Variants in KLRG2 observed in about 807,000 individuals in gnomAD.
The protein encoded by KLRG2 is killer cell lectin-like receptor subfamily G member 2.
KLRG2 carries 39 observed loss-of-function variants against 35.4 expected under a neutral mutation model. That is an observed-to-expected ratio of 1.10 (90% CI 0.85 to 1.44). The LOEUF (loss-of-function observed/expected upper bound fraction) is 1.44. Ranked by LOEUF, KLRG2 falls within the 40% of genes most tolerant of loss-of-function variation. KLRG2 has a pLI of 0.00. For missense variants in KLRG2, 632 were observed against 570.9 expected (o/e 1.11, Z -1.09); for synonymous variants, 283 against 265.8 (o/e 1.06, Z -0.63).
chr7:139,474,210 G>C (rs1046956970), intron 3 of KLRG2, among the ~76,000 whole-genome samples: 4 of 151,872 alleles, frequency 2.6e-5, no homozygotes, highest in African/African-American at 9.7e-5. Context: ...ATTTTTAGTA[G>C]AGATAGGGTA....
chr7:139,429,967 A>AC, the KLRG2 span, among the ~76,000 whole-genome samples: 954 of 151,148 alleles, frequency 6.3e-3, 2 homozygotes, highest in Non-Finnish European at 8.2e-3. Context: ...CGGGGGGCTG[A>AC]CCCCCCCCAT....
chr7:139,439,564 C>T, the KLRG2 span, among the ~76,000 whole-genome samples: 1 of 152,206 alleles, frequency 6.6e-6, no homozygotes, highest in Non-Finnish European at 1.5e-5. Flanking sequence ...CATGAGGGTT[C>T]CAGGCTGGGC....
intron 3 of KLRG2, among the ~76,000 whole-genome samples, chr7:139,473,063 C>A (rs1796788319): frequency 6.6e-6 from 1 of 152,216 alleles, no homozygotes; most frequent in Admixed American, 6.5e-5. Flanking sequence ...GGGTGGGTCG[C>A]TTGAGGCCAG....
At chr7:139,432,549 C>A in the KLRG2 span, among the ~76,000 whole-genome samples, 1 of 149,212 alleles carries the variant, frequency 6.7e-6, no homozygotes, top group Admixed American at 6.7e-5. Context: ...GCAGGACCCC[C>A]CCCCCCCAAT....
downstream of KLRG2, among the ~76,000 whole-genome samples, chr7:139,451,617 C>T (rs542891570): frequency 1.1e-4 from 16 of 152,262 alleles, no homozygotes; most frequent in African/African-American, 1.7e-4. Flanking sequence ...CTTCCCACTC[C>T]GCTGCCACTA....
downstream of KLRG2, among the ~76,000 whole-genome samples, chr7:139,451,449 G>A (rs1315059802): frequency 2.0e-5 from 3 of 152,208 alleles, no homozygotes; most frequent in East Asian, 1.9e-4. Flanking sequence ...GCGGTGAGCC[G>A]AGACAGTGAC....
At position 139,483,143 on chromosome 7, in the gene KLRG2, G is replaced by A. The variant is rs1796996723; in HGVS notation, c.500C>T (p.Pro167Leu). The A allele has an allele frequency of 6.7e-6, 10 of 1,487,922 alleles. No individual in the cohort carries two copies. Among genetic ancestry groups the A allele is most frequent in the Non-Finnish European group, 8.9e-6 (10 of 1,126,516 alleles). The allele number at this position is 1,487,922 out of a possible 1,614,324, so 92.2% of individuals were successfully genotyped here. A position where few individuals can be genotyped will look rare whatever the true frequency, so the allele number is the denominator to read the frequency against. ...TGCGCGCAGCAGGAGCTGGTGCGCC[G>A]GGTCCGCGTGGCGGGAGAAGGCAGG... ...ESPAFSRHAD[P>L]AHQLLLRAPS... Residue 167 changes from proline to leucine, a missense_variant, in exon 1 of 5, where the codon CCG becomes CTG. Coordinates refer to ENST00000340940, the MANE Select transcript of KLRG2 (RefSeq NM_198508.4).
chr7:139,482,937 G>C lies in KLRG2; in HGVS notation c.706C>G (p.Arg236Gly), dbSNP rs1319335159. 3 of 1,492,270 alleles carry C rather than the reference G, an allele frequency of 2.0e-6. No individual in the cohort carries two copies. The highest frequency in any genetic ancestry group is 2.7e-6 in the Non-Finnish European group (3 of 1,131,482). 92.4% of individuals were successfully genotyped at this position (1,492,270 alleles called of 1,614,324 possible). ...TTCTCGTCGCCGTCCAACCCCGCGC[G>C]GGGCAACAGCGCCGCATCCTCCTTC... Reference protein sequence around the residue: ...LEKEDAALLPRAGLDGDEKLP... With the variant: ...LEKEDAALLPGAGLDGDEKLP... Residue 236 changes from arginine (R) to glycine (G), a missense_variant, in exon 1 of 5, where the codon CGC becomes GGC. Physicochemically the swap from Arg to Gly is moderately radical, Grantham distance 125. Transcript: ENST00000340940.
chr7:139,483,544 C>G lies in KLRG2; in HGVS notation c.99G>C (p.Gln33His), dbSNP rs745307746. The change falls in exon 1 of 5, where the codon CAG becomes CAC. Residue 33 changes from glutamine to histidine, a missense_variant. Gln to His is a conservative substitution (Grantham distance 24). Coordinates refer to ENST00000340940, the MANE Select transcript of KLRG2 (RefSeq NM_198508.4). ...CAGGTTGTCGCACCTTCGCGGGCAC[C>G]TGCGGCTGCTCCAGCGTGGGGACCA... ...GSLVPTLEQP[Q>H]VPAKVRQPEG... 4 of 1,598,758 alleles carry G rather than the reference C, an allele frequency of 2.5e-6. No individual in the cohort carries two copies. The highest frequency in any genetic ancestry group is 3.4e-6 in the Non-Finnish European group (4 of 1,178,896).
chr7:139,441,980 G>A, the KLRG2 span, among the ~76,000 whole-genome samples: 1 of 152,170 alleles, frequency 6.6e-6, no homozygotes, highest in African/African-American at 2.4e-5. Context: ...AGGAAACTAG[G>A]AGACCTCTGA....
downstream of KLRG2, among the ~76,000 whole-genome samples, chr7:139,452,076 C>T (rs146915698): frequency 0.018 from 2,682 of 149,286 alleles, 73 homozygotes; most frequent in African/African-American, 0.063. Flanking sequence ...TCAAGCAATT[C>T]TCCTGCCCCA....
intron 3 of KLRG2, among the ~76,000 whole-genome samples, chr7:139,479,119 G>A (rs1290339631): frequency 6.6e-6 from 1 of 152,098 alleles, no homozygotes. Flanking sequence ...GCCTTGCTCT[G>A]TTGCCCAGGC....
chr7:139,430,480 C>G, the KLRG2 span, among the ~76,000 whole-genome samples: 1 of 152,144 alleles, frequency 6.6e-6, no homozygotes, highest in Non-Finnish European at 1.5e-5. Flanking sequence ...CTGACAGCAC[C>G]TAAGTATGAA....
chr7:139,471,648 G>A (rs577266617), intron 3 of KLRG2, among the ~76,000 whole-genome samples: 11 of 152,048 alleles, frequency 7.2e-5, no homozygotes, highest in South Asian at 4.2e-4. Flanking sequence ...ACAGCTGAGC[G>A]AGACTCGGTC....
chr7:139,461,311 G>A (rs1796563157), intron 3 of KLRG2, among the ~76,000 whole-genome samples: 2 of 152,122 alleles, frequency 1.3e-5, no homozygotes, highest in Non-Finnish European at 2.9e-5. Context: ...TGTTGGGGTG[G>A]GGCTTCTGAG....
the KLRG2 span, among the ~76,000 whole-genome samples, chr7:139,446,016 A>G: frequency 2.6e-5 from 4 of 151,716 alleles, no homozygotes; most frequent in Non-Finnish European, 4.4e-5. Context: ...TATTTTTAGT[A>G]GAAACGAGGT....
chr7:139,460,603 C>A (rs1207113812), intron 3 of KLRG2, among the ~76,000 whole-genome samples: 2 of 151,622 alleles, frequency 1.3e-5, no homozygotes, highest in Non-Finnish European at 2.9e-5. Context: ...GTGGAGGCTG[C>A]AGCAAGCCAT....
chr7:139,479,509 A>G, intron 3 of KLRG2, 118 bp downstream of exon 3: 1 of 1,051,522 alleles, frequency 9.5e-7, no homozygotes, highest in South Asian at 1.5e-5. Context: ...CTACTCCTCT[A>G]CACCTTGGTG....
At chr7:139,434,858 G>A in the KLRG2 span, among the ~76,000 whole-genome samples, 3,432 of 152,218 alleles carry the variant, frequency 0.023, 63 homozygotes, top group Middle Eastern at 0.048. Context: ...CTTGGGAAGC[G>A]ATAATAATAC....
Sources: allele counts gnomAD v4.1 joint callset (sites outside exome capture counted in the v4.1 genomes callset), GRCh38; gene constraint gnomAD v4.1.1; transcripts MANE v1.5; gene names NCBI Gene and HGNC (gene_info 2026-07-23, HGNC 2026-07-21).